Variants in CACNA1C observed in about 807,000 individuals in gnomAD.
CACNA1C encodes the protein calcium voltage-gated channel subunit alpha1 C.
A neutral mutation model predicts 229.0 loss-of-function variants in CACNA1C; 30 were observed. That is an observed-to-expected ratio of 0.13 (90% CI 0.10 to 0.18). The LOEUF is 0.18. CACNA1C is among the 10% of genes least tolerant of loss of function. The pLI is 1.00. For synonymous variants in CACNA1C, 1,114 were observed against 1,132.5 expected (o/e 0.98, Z 0.33); for missense variants, 1,658 against 2,845.0 (o/e 0.58, Z 9.49).
intron 3 of CACNA1C, among the ~76,000 whole-genome samples, chr12:2,426,804 C>T (rs1384279663): frequency 6.6e-6 from 1 of 152,124 alleles, no homozygotes; most frequent in Non-Finnish European, 1.5e-5. Flanking sequence ...GCTGGGATGT[C>T]CTCTTTCCAC....
chr12:2,598,864 AT>A (rs2070244574), intron 21 of CACNA1C, among the ~76,000 whole-genome samples: 1 of 152,036 alleles, frequency 6.6e-6, no homozygotes, highest in African/African-American at 2.4e-5. Flanking sequence ...TGTGGCTCAG[AT>A]TTTTCTTTTC....
intron 3 of CACNA1C, among the ~76,000 whole-genome samples, chr12:2,189,132 C>T (rs10744559): frequency 0.37 from 54,549 of 148,254 alleles, 10,265 homozygotes; most frequent in South Asian, 0.39. Context: ...ACATTCCCAA[C>T]GTGAAGCATC....
chr12:2,455,032 G>C (rs1418672919), intron 4 of CACNA1C, among the ~76,000 whole-genome samples: 1 of 151,184 alleles, frequency 6.6e-6, no homozygotes, highest in Admixed American at 6.6e-5. Context: ...CCCTGCCCCT[G>C]CACGGGTGGC....
intron 3 of CACNA1C, among the ~76,000 whole-genome samples, chr12:2,381,827 C>G (rs370612416): frequency 2.0e-5 from 3 of 152,200 alleles, no homozygotes; most frequent in African/African-American, 7.2e-5. Flanking sequence ...ATAATAATGA[C>G]TTTGACTATG....
chr12:2,512,940 C>T lies in CACNA1C; in HGVS notation c.1346C>T (p.Pro449Leu). The change falls in exon 9 of 47, where the codon CCT (proline) becomes CTT (leucine). Residue 449 changes from proline to leucine, a missense_variant. By Grantham distance (98) the Pro-to-Leu change is moderately conservative (BLOSUM62 -3). Transcript: ENST00000399655. This position sits in a 1 kb window ranked among gnomAD's most constrained non-coding sequence, Gnocchi z 4.3. ...DWITQAEDID[P>L]ENEDEGMDEE... ...ATCACTCAGGCCGAAGACATCGATC[C>T]TGAGAATGAGGACGAAGGCATGGAT... 1 of 1,611,316 alleles carries T rather than the reference C, an allele frequency of 6.2e-7. No individual in the cohort carries two copies. The highest frequency in any genetic ancestry group is 1.1e-5 in the South Asian group (1 of 90,302).
Position 2,512,727 on chromosome 12 carries a change from C to G in CACNA1C, c.1218-85C>G. The G allele has an allele frequency of 9.9e-7, 1 of 1,015,062 alleles. No individual in the cohort carries two copies. The highest frequency in any genetic ancestry group is 1.4e-6 in the Non-Finnish European group (1 of 705,942). The allele number at this position is 1,015,062 out of a possible 1,614,324, so 62.9% of individuals were successfully genotyped here. On this transcript the variant is annotated intron_variant, in intron 8 of 46. Transcript: ENST00000399655. The surrounding 1 kb of genome is among the most constrained non-coding windows in gnomAD (Gnocchi z 4.3). ...TAAGACTCTTGTTTCTCCTTATCTCCATCTCTCCTTCCATCCTCGACCCTT... is the reference window on the plus strand; with the variant it reads ...TAAGACTCTTGTTTCTCCTTATCTCGATCTCTCCTTCCATCCTCGACCCTT...
intron 1 of CACNA1C, among the ~76,000 whole-genome samples, chr12:2,082,517 G>A (rs2066030022): frequency 6.6e-6 from 1 of 152,174 alleles, no homozygotes; most frequent in African/African-American, 2.4e-5. Flanking sequence ...GGTGTTGCTA[G>A]GAAATGCAGG....
intron 3 of CACNA1C, among the ~76,000 whole-genome samples, chr12:2,370,332 A>C (rs572870883): frequency 6.6e-6 from 1 of 152,376 alleles, no homozygotes; most frequent in East Asian, 1.9e-4. Flanking sequence ...ATACCCTATT[A>C]CCACTAATTT....
rs539509312 is a variant in CACNA1C, at chr12:2,354,623, C to T, written c.478-94353C>T. On this transcript the variant is annotated intron_variant, in intron 3 of 46. Transcript: ENST00000399655. The surrounding 1 kb of genome is among the most constrained non-coding windows in gnomAD (Gnocchi z 4.6). ...GCTTCTGGTTGGGAGAGCCCAGGAA[C>T]GGAGTCCATCCTTTCTCCTGGCCTC... is the stretch of plus-strand genomic sequence containing the variant. Among the ~76,000 whole-genome samples the T allele has an allele frequency of 2.4e-4, 36 of 152,172 alleles. No homozygotes were observed. The highest frequency in any genetic ancestry group is 5.9e-4 in the Admixed American group (9 of 15,274).
At chr12:2,023,714 C>T (rs1036163701) in intron 1 of CACNA1C, among the ~76,000 whole-genome samples, 7 of 152,106 alleles carry the variant, frequency 4.6e-5, no homozygotes, top group African/African-American at 7.2e-5. Context: ...CTTAGTAAGT[C>T]CAGTTTGACA....
At chr12:2,359,700 G>A (rs983383586) in intron 3 of CACNA1C, among the ~76,000 whole-genome samples, 7 of 152,112 alleles carry the variant, frequency 4.6e-5, no homozygotes, top group African/African-American at 1.7e-4. Flanking sequence ...ATGGTGAGGG[G>A]AATGGAGATG....
intron 3 of CACNA1C, among the ~76,000 whole-genome samples, chr12:2,294,316 A>G (rs1226540453): frequency 3.3e-5 from 5 of 151,936 alleles, no homozygotes; most frequent in Admixed American, 3.3e-4. Context: ...AGCGTGGCCC[A>G]TAGCATGAGG....
chr12:2,607,053 C>T lies in CACNA1C; in HGVS notation c.3279C>T (p.Asn1093=). 1 of 1,614,012 alleles carries T rather than the reference C, an allele frequency of 6.2e-7. No homozygotes were observed. Among genetic ancestry groups the T allele is most frequent in the Non-Finnish European group, 8.5e-7 (1 of 1,179,896 alleles). Residue 1093 remains asparagine, a synonymous_variant, in exon 26 of 47, where the codon AAC becomes AAT. Coordinates refer to ENST00000399655, the MANE Select transcript of CACNA1C (RefSeq NM_000719.7). ...TCATCCAACCCCGCAGCTGGGAGAA[C>T]AGCAAGTTTGACTTTGACAATGTTC... The part of the protein sequence containing the change: ...HPIIQPRSWE[N]SKFDFDNVLA...
At chr12:2,105,749 G>T (rs1171552595) in intron 1 of CACNA1C, among the ~76,000 whole-genome samples, 1 of 116,342 alleles carries the variant, frequency 8.6e-6, no homozygotes, top group Admixed American at 7.7e-5. Flanking sequence ...CCCCGGGGAG[G>T]GTTTCCACCT....
At chr12:2,662,961 C>T (rs1325564703) in intron 34 of CACNA1C, among the ~76,000 whole-genome samples, 1 of 152,076 alleles carries the variant, frequency 6.6e-6, no homozygotes, top group Non-Finnish European at 1.5e-5. Flanking sequence ...ATATTTCTAC[C>T]TCATATCAAA....
chr12:2,496,371 G>C (rs2154572476), intron 7 of CACNA1C, among the ~76,000 whole-genome samples: 1 of 152,306 alleles, frequency 6.6e-6, no homozygotes. Context: ...TTGAGAAGGA[G>C]CAGCCAAGAT....
intron 3 of CACNA1C, among the ~76,000 whole-genome samples, chr12:2,389,802 A>C (rs969889812): frequency 6.6e-6 from 1 of 151,778 alleles, no homozygotes; most frequent in Non-Finnish European, 1.5e-5. Flanking sequence ...CTGCCCACCC[A>C]CCCTCGTTCT....
At chr12:2,193,973 C>A (rs962623033) in intron 3 of CACNA1C, among the ~76,000 whole-genome samples, 2 of 152,120 alleles carry the variant, frequency 1.3e-5, no homozygotes, top group Non-Finnish European at 2.9e-5. Context: ...TCAGTCCTGG[C>A]CACTCCCATG....
At position 2,654,835 on chromosome 12, in the gene CACNA1C, G is replaced by A. The variant is rs216046; in HGVS notation, c.4141-312G>A. On this transcript the variant is annotated intron_variant, in intron 33 of 46. Transcript: ENST00000399655. This position sits in a 1 kb window ranked among gnomAD's most constrained non-coding sequence, Gnocchi z 4.4. ...AATAGCAAAGAAAATAACGCAGTGC[G>A]TCCTGTGTCCTGTCAGAAGCAGGAT... 0.94 allele frequency among the ~76,000 whole-genome samples: 143,832 copies of A among 152,268 alleles called. 68,430 individuals are homozygous for A. Among genetic ancestry groups the A allele is most frequent in the East Asian group, 1 (5,159 of 5,162 alleles).
Sources: allele counts gnomAD v4.1 joint callset (sites outside exome capture counted in the v4.1 genomes callset), GRCh38; gene constraint gnomAD v4.1.1; non-coding constraint Gnocchi (gnomAD v3.1); transcripts MANE v1.5; gene names NCBI Gene and HGNC (gene_info 2026-07-23, HGNC 2026-07-21).